The following NPPA variants were observed in gnomAD, a reference collection of about 807,000 sequenced individuals.
The protein encoded by NPPA is natriuretic peptides A.
NPPA carries 10 observed loss-of-function variants against 12.2 expected under a neutral mutation model. The ratio of observed to expected loss-of-function variants is 0.82; its 90% CI spans 0.50 to 1.38. The LOEUF is 1.38. Ranked by LOEUF, NPPA falls within the 40% of genes most tolerant of loss-of-function variation. The pLI is 0.00. For synonymous variants in NPPA, 85 were observed against 80.2 expected (o/e 1.06, Z -0.32); for missense variants, 207 against 193.5 (o/e 1.07, Z -0.41).
chr1:11,847,766 T>G lies in NPPA; in HGVS notation c.-82A>C. 3.8e-6 allele frequency: 6 copies of G among 1,598,168 alleles called. No individual in the cohort carries two copies. The highest frequency in any genetic ancestry group is 5.1e-6 in the Non-Finnish European group (6 of 1,167,890). On this transcript the variant is annotated 5_prime_UTR_variant, in exon 1 of 3. Coordinates refer to ENST00000376480, the MANE Select transcript of NPPA (RefSeq NM_006172.4). The stretch of plus-strand genomic sequence containing the variant: ...CCTCTCTGGTTCCCCTCTCTTGGCC[T>G]ACGTCTGTCCCTGTCTCCCAGCTGC...
At chr1:11,846,477 C>T (rs1374839935) in intron 2 of NPPA, among the ~76,000 whole-genome samples, 9 of 151,778 alleles carry the variant, frequency 5.9e-5, no homozygotes, top group East Asian at 3.9e-4. Flanking sequence ...CCTGCCACCA[C>T]GCCTGGCTAA....
chr1:11,846,459 T>TA (rs1483859054), intron 2 of NPPA, among the ~76,000 whole-genome samples: 3 of 150,990 alleles, frequency 2.0e-5, no homozygotes, highest in East Asian at 2.0e-4. Flanking sequence ...AGCTAGGACT[T>TA]ACAGGCGCCT....
intron 2 of NPPA, among the ~76,000 whole-genome samples, chr1:11,846,652 A>G (rs1410407185): frequency 7.8e-5 from 9 of 114,908 alleles, no homozygotes; most frequent in South Asian, 2.8e-4. Context: ...GTCTCGCTCT[A>G]TCACCTAGGC....
intron 2 of NPPA, among the ~76,000 whole-genome samples, chr1:11,846,612 G>A (rs1231894590): frequency 4.3e-4 from 51 of 117,278 alleles, no homozygotes; most frequent in African/African-American, 1.9e-3. Context: ...GAGCCACCGT[G>A]CCTGGCCTTT....
At position 11,847,136 on chromosome 1, in the gene NPPA, C is replaced by T. The variant is rs866786357; in HGVS notation, c.427G>A (p.Gly143Arg). 1.4e-5 allele frequency: 22 copies of T among 1,554,060 alleles called. No homozygotes were observed. The highest frequency in any genetic ancestry group is 1.7e-5 in the Non-Finnish European group (20 of 1,149,320). ...ACCCGGAAGCTGTTACAGCCCAGTC[C>T]GCTCTGGGCTCCAATCCTGTCCATC... is the stretch of plus-strand genomic sequence containing the variant. ...GRMDRIGAQS[G>R]LGCNSFRY Residue 143 changes from glycine to arginine, a missense_variant, in exon 2 of 3, where the codon GGA becomes AGA. Coordinates refer to ENST00000376480, the MANE Select transcript of NPPA (RefSeq NM_006172.4).
Position 11,847,162 on chromosome 1 carries a change from CT to C in NPPA, c.400del (p.Arg134GlyfsTer74). On this transcript the variant is annotated frameshift_variant, in exon 2 of 3. Coordinates refer to ENST00000376480, the MANE Select transcript of NPPA (RefSeq NM_006172.4). LOFTEE classifies it high-confidence loss of function. ...GCTCTGGGCTCCAATCCTGTCCATC[CT>C]GCCCCCGAAGCAGCTGGATCTCCGC... Reference protein sequence around the residue: ...SLRRSSCFGGRMDRIGAQSGL... With the variant: ...SLRRSSCFGGXMDRIGAQSGL... 6.3e-7 allele frequency: 1 copy of C among 1,584,720 alleles called. No homozygotes were observed. Among genetic ancestry groups the C allele is most frequent in the South Asian group, 1.1e-5 (1 of 88,084 alleles).
At chr1:11,846,343 G>A (rs1391105647) in intron 2 of NPPA, among the ~76,000 whole-genome samples, 4 of 130,520 alleles carry the variant, frequency 3.1e-5, no homozygotes, top group South Asian at 2.4e-4. Context: ...TTTTTGAGAC[G>A]GAGTCTTGCT....
At chr1:11,846,478 G>A (rs191078416) in intron 2 of NPPA, among the ~76,000 whole-genome samples, 290 of 151,324 alleles carry the variant, frequency 1.9e-3, no homozygotes, top group African/African-American at 6.8e-3. Flanking sequence ...CTGCCACCAC[G>A]CCTGGCTAAT....
chr1:11,846,678 T>C (rs198367), intron 2 of NPPA, among the ~76,000 whole-genome samples: 27,961 of 142,790 alleles, frequency 0.2, 3,811 homozygotes, highest in African/African-American at 0.39. Context: ...TGCAGTGGCG[T>C]GATCTCTGCT....
At position 11,846,966 on chromosome 1, in the gene NPPA, G is replaced by A. The variant is rs1645073175; in HGVS notation, c.450+147C>T. The A allele has an allele frequency of 1.6e-5, 6 of 364,276 alleles. No individual in the cohort carries two copies. In the South Asian group the frequency reaches 2.3e-4, roughly 14 times the overall value. 22.6% of individuals were successfully genotyped at this position (364,276 alleles called of 1,614,324 possible). ...CTCAGCAGACTAGCTAAGGACAATA[G>A]ATGGCATGTCCTGACACCCATGGGG... On this transcript the variant is annotated intron_variant, in intron 2 of 2. Transcript: ENST00000376480.
At chr1:11,846,193 G>T (rs989434543) in intron 2 of NPPA, among the ~76,000 whole-genome samples, 179 bp from the exon 3 acceptor site, 2 of 152,214 alleles carry the variant, frequency 1.3e-5, no homozygotes, top group Admixed American at 1.3e-4. Flanking sequence ...TTACTCATCA[G>T]AGTAAATTTC....
chr1:11,847,096 TC>T lies in NPPA; in HGVS notation c.450+16del. On this transcript the variant is annotated intron_variant, in intron 2 of 2. Transcript: ENST00000376480. ...TAGTGTCCATCCCATCCCATTTCCA[TC>T]CCCAGTTCCTCTTACCCGGAAGCTG... The T allele has an allele frequency of 6.6e-7, 1 of 1,517,836 alleles. No homozygotes were observed. The highest frequency in any genetic ancestry group is 8.8e-7 in the Non-Finnish European group (1 of 1,134,982). 94.0% of individuals were successfully genotyped at this position (1,517,836 alleles called of 1,614,324 possible). A position where few individuals can be genotyped will look rare whatever the true frequency, so the allele number is the denominator to read the frequency against.
chr1:11,847,269 C>T lies in NPPA; in HGVS notation c.294G>A (p.Gly98=), dbSNP rs1282177282. The T allele has an allele frequency of 6.2e-7, 1 of 1,613,560 alleles. No individual in the cohort carries two copies. Among genetic ancestry groups the T allele is most frequent in the African/African-American group, 1.3e-5 (1 of 74,926 alleles). ...GATCAGAGGAGTCCCAGGGGCCCCGCCCGAGGGCACCTCCATCTCTCTGGG... is the reference window on the plus strand; with the variant it reads ...GATCAGAGGAGTCCCAGGGGCCCCGTCCGAGGGCACCTCCATCTCTCTGGG... ...SPAQRDGGAL[G]RGPWDSSDRS... Residue 98 remains glycine, a synonymous_variant, in exon 2 of 3, where the codon GGG becomes GGA. Transcript: ENST00000376480.
intron 2 of NPPA, 134 bp from the exon 3 acceptor site, chr1:11,846,148 G>C (rs1645066947): frequency 1.2e-6 from 1 of 843,826 alleles, no homozygotes; most frequent in African/African-American, 1.7e-5. Flanking sequence ...ACCCCAGCCT[G>C]ATGACCCTCT....
Position 11,847,431 on chromosome 1 carries a change from C to G in NPPA, c.132G>C (p.Leu44=). 1 of 1,614,074 alleles carries G rather than the reference C, an allele frequency of 6.2e-7. No individual in the cohort carries two copies. Among genetic ancestry groups the G allele is most frequent in the Non-Finnish European group, 8.5e-7 (1 of 1,180,036 alleles). Residue 44 remains leucine (L), a synonymous_variant, in exon 2 of 3, where the codon CTG becomes CTC. Transcript: ENST00000376480. The part of the protein sequence containing the change: ...NADLMDFKNL[L]DHLEEKMPLE... Reference sequence around the variant, plus strand: ...AAGGCATCTTTTCTTCCAAATGGTCCAGCAAATTCTTTAGAAAAGGAAAAT... The same window carrying G: ...AAGGCATCTTTTCTTCCAAATGGTCGAGCAAATTCTTTAGAAAAGGAAAAT...
At position 11,847,560 on chromosome 1, in the gene NPPA, A is replaced by G; in HGVS notation, c.123+2T>C. On this transcript the variant is annotated splice_donor_variant, in intron 1 of 2. Coordinates refer to ENST00000376480, the MANE Select transcript of NPPA (RefSeq NM_006172.4). LOFTEE classifies it high-confidence loss of function. ...AGACTGCACCCGCTTTCCTGGCCCT[A>G]CCTTGAAATCCATCAGGTCTGCGTT... 1 of 1,614,178 alleles carries G rather than the reference A, an allele frequency of 6.2e-7. No homozygotes were observed. The highest frequency in any genetic ancestry group is 8.5e-7 in the Non-Finnish European group (1 of 1,180,036).
rs1256372369 is a variant in NPPA, at chr1:11,847,668, G to A, written c.17C>T (p.Thr6Ile). ...TAAAAGGAGGAAGCTCACGGTGGTG[G>A]TGGAGAAGGAGCTCATGCTGGCGTC... MSSFS[T>I]TTVSFLLLLA... The change falls in exon 1 of 3, where the codon ACC (threonine) becomes ATC (isoleucine). Residue 6 changes from threonine to isoleucine, a missense_variant. Thr to Ile is a moderately conservative substitution (Grantham distance 89, BLOSUM62 -1). Coordinates refer to ENST00000376480, the MANE Select transcript of NPPA (RefSeq NM_006172.4). The A allele has an allele frequency of 1.2e-6, 2 of 1,614,052 alleles. No individual in the cohort carries two copies. Among genetic ancestry groups the A allele is most frequent in the African/African-American group, 1.3e-5 (1 of 74,922 alleles).
chr1:11,846,891 G>A (rs911712023), intron 2 of NPPA, among the ~76,000 whole-genome samples: 1 of 149,868 alleles, frequency 6.7e-6, no homozygotes, highest in Non-Finnish European at 1.5e-5. Flanking sequence ...TGGGATTACA[G>A]GCGTGAGCCA....
At chr1:11,846,619 C>CTTTTTTTTTTTTTT (rs70987207) in intron 2 of NPPA, among the ~76,000 whole-genome samples, 1 of 111,714 alleles carries the variant, frequency 9.0e-6, no homozygotes, top group African/African-American at 4.0e-5. Context: ...CGTGCCTGGC[C>CTTTTTTTTTTTTTT]TTTTTTTTTT....
Sources: gnomAD v4.1 joint callset for allele counts (sites outside exome capture counted in the v4.1 genomes callset) on GRCh38, gnomAD v4.1.1 for gene constraint, MANE v1.5 for transcripts, NCBI Gene and HGNC (gene_info 2026-07-23, HGNC 2026-07-21) for gene names.